The following SCAMP1 variants were observed in gnomAD, a reference collection of about 807,000 sequenced individuals.
SCAMP1 encodes secretory carrier membrane protein 1.
A neutral mutation model predicts 41.8 loss-of-function variants in SCAMP1; 15 were observed. That is an observed-to-expected ratio of 0.36 (90% CI 0.24 to 0.55). The LOEUF is 0.55. SCAMP1 is among the 20% of genes least tolerant of loss of function. The pLI is 0.86. For missense variants in SCAMP1, 341 were observed against 412.6 expected (o/e 0.83, Z 1.50); for synonymous variants, 135 against 136.8 (o/e 0.99, Z 0.09).
chr5:78,449,907 T>G, intron 6 of SCAMP1, 26 bp from the exon 7 acceptor site: 1 of 1,347,586 alleles, frequency 7.4e-7, no homozygotes, highest in Non-Finnish European at 1.0e-6. Context: ...CCCCCTTTTT[T>G]CTTTCTTTCT....
chr5:78,436,110 A>G (rs577346866), intron 6 of SCAMP1, among the ~76,000 whole-genome samples: 1 of 152,102 alleles, frequency 6.6e-6, no homozygotes, highest in Non-Finnish European at 1.5e-5. Flanking sequence ...ACTTTTGTAG[A>G]TTCTGGATAT....
chr5:78,444,855 A>G (rs1753015919), intron 6 of SCAMP1, among the ~76,000 whole-genome samples: 1 of 152,180 alleles, frequency 6.6e-6, no homozygotes, highest in Non-Finnish European at 1.5e-5. Context: ...TACCTGCAGT[A>G]TTTTATTTAT....
At chr5:78,452,325 C>A (rs1392978081) in intron 7 of SCAMP1, among the ~76,000 whole-genome samples, 3 of 127,328 alleles carry the variant, frequency 2.4e-5, no homozygotes, top group Non-Finnish European at 4.9e-5. Flanking sequence ...CCAATGCTAT[C>A]CCTCCCCCCT....
At chr5:78,452,683 T>G (rs1315957758) in intron 7 of SCAMP1, among the ~76,000 whole-genome samples, 2 of 151,856 alleles carry the variant, frequency 1.3e-5, no homozygotes, top group African/African-American at 4.8e-5. Flanking sequence ...GCATGATTTA[T>G]AGTCCTTTGG....
chr5:78,441,032 T>C (rs1020974206), intron 6 of SCAMP1, among the ~76,000 whole-genome samples: 4 of 152,242 alleles, frequency 2.6e-5, no homozygotes, highest in African/African-American at 7.2e-5. Context: ...AATCTCCTGG[T>C]GTGCCGTTTG....
At chr5:78,430,836 G>A (rs891518215) in intron 6 of SCAMP1, among the ~76,000 whole-genome samples, 4 of 151,950 alleles carry the variant, frequency 2.6e-5, no homozygotes, top group African/African-American at 9.7e-5. Flanking sequence ...AACTGACTTT[G>A]GAATATTTAG....
intron 6 of SCAMP1, among the ~76,000 whole-genome samples, chr5:78,441,582 G>A (rs925448164): frequency 6.6e-6 from 1 of 152,222 alleles, no homozygotes; most frequent in African/African-American, 2.4e-5. Flanking sequence ...GGGAGGCCGA[G>A]GCAGGCGGAT....
intron 2 of SCAMP1, among the ~76,000 whole-genome samples, chr5:78,392,919 G>A (rs1211321462): frequency 2.6e-5 from 4 of 152,106 alleles, no homozygotes; most frequent in South Asian, 2.1e-4. Flanking sequence ...GGTGGTATTC[G>A]TATTTTTATC....
chr5:78,442,024 G>T (rs1298895825), intron 6 of SCAMP1, among the ~76,000 whole-genome samples: 2 of 152,206 alleles, frequency 1.3e-5, no homozygotes, highest in African/African-American at 2.4e-5. Context: ...AGCTACTCGG[G>T]AGGCTGAGGT....
chr5:78,454,182 C>G (rs966886733), intron 7 of SCAMP1, among the ~76,000 whole-genome samples: 1 of 151,614 alleles, frequency 6.6e-6, no homozygotes, highest in Non-Finnish European at 1.5e-5. Context: ...ATTTCCTTCT[C>G]CTGCCTAATT....
chr5:78,447,253 T>C (rs1212017832), intron 6 of SCAMP1, among the ~76,000 whole-genome samples: 1 of 152,244 alleles, frequency 6.6e-6, no homozygotes, highest in Admixed American at 6.5e-5. Context: ...TGTTAACTCA[T>C]TGCCATGTTT....
intron 6 of SCAMP1, among the ~76,000 whole-genome samples, chr5:78,430,823 G>A (rs1486728315): frequency 6.6e-6 from 1 of 151,980 alleles, no homozygotes; most frequent in African/African-American, 2.4e-5. Context: ...CACACAGTAA[G>A]TTAACTGACT....
intron 8 of SCAMP1, among the ~76,000 whole-genome samples, chr5:78,462,654 C>T (rs753250223): frequency 2.0e-5 from 3 of 152,056 alleles, no homozygotes; most frequent in Non-Finnish European, 4.4e-5. Context: ...AGTTAGTTAT[C>T]AGGTTTAGGA....
chr5:78,461,550 G>A (rs1005283092), intron 8 of SCAMP1, among the ~76,000 whole-genome samples: 1 of 152,026 alleles, frequency 6.6e-6, no homozygotes, highest in Non-Finnish European at 1.5e-5. Context: ...TTACCATGCT[G>A]CTTGCTTACC....
chr5:78,428,925 A>G (rs1367590464), intron 6 of SCAMP1, among the ~76,000 whole-genome samples: 5 of 152,106 alleles, frequency 3.3e-5, no homozygotes, highest in Non-Finnish European at 7.4e-5. Context: ...GCTAGTAGTT[A>G]GAAATAAAGT....
At chr5:78,375,586 T>G (rs1469791870) in intron 1 of SCAMP1, among the ~76,000 whole-genome samples, 8 of 152,162 alleles carry the variant, frequency 5.3e-5, no homozygotes, top group Non-Finnish European at 1.2e-4. Flanking sequence ...CTTATAAATG[T>G]TTAATATATT....
rs1280512876 is a variant in SCAMP1 at position 78,457,303 on chromosome 5, C to T, written c.735-1942C>T. ...CAGTTTTTCTGTTCTGTTTTTTCCC[C>T]GTCTTTGTGGTTTTATCTACTTTTG... is the stretch of plus-strand genomic sequence containing the variant. On this transcript the variant is annotated intron_variant, in intron 7 of 8. Transcript: ENST00000621999. 2.0e-5 allele frequency among the ~76,000 whole-genome samples: 3 copies of T among 152,210 alleles called. No homozygotes were observed. The East Asian group carries it at 5.8e-4, about 29-fold the overall frequency.
chr5:78,365,030 C>T lies in SCAMP1; in HGVS notation c.57+4302C>T, dbSNP rs114146696. ...CTAGAAGTATTAAAAAAGAAAGACT[C>T]AGTTTACTATTTTGTAAAATAGGGT... On this transcript the variant is annotated intron_variant, in intron 1 of 8. Coordinates refer to ENST00000621999, the MANE Select transcript of SCAMP1 (RefSeq NM_004866.6). 5.9e-3 allele frequency among the ~76,000 whole-genome samples: 897 copies of T among 152,130 alleles called. 4 individuals carry two copies. The highest frequency in any genetic ancestry group is 0.02 in the African/African-American group (846 of 41,506).
chr5:78,431,278 CTT>C (rs771462979), intron 6 of SCAMP1, among the ~76,000 whole-genome samples: 13 of 139,940 alleles, frequency 9.3e-5, no homozygotes, highest in Admixed American at 1.4e-4. Flanking sequence ...TGCTTTTGTA[CTT>C]TTTTTTTTTT....
Sources: allele counts gnomAD v4.1 joint callset (sites outside exome capture counted in the v4.1 genomes callset), GRCh38; gene constraint gnomAD v4.1.1; transcripts MANE v1.5; gene names NCBI Gene and HGNC (gene_info 2026-07-23, HGNC 2026-07-21).